The following PTPRD variants were observed in gnomAD, a reference collection of about 807,000 sequenced individuals.
The protein encoded by PTPRD is receptor-type tyrosine-protein phosphatase delta.
PTPRD carries 34 observed loss-of-function variants against 214.5 expected under a neutral mutation model. The observed-to-expected ratio is 0.16, with a 90% CI of 0.12 to 0.21. The LOEUF is 0.21. Among genes scored for constraint, PTPRD ranks in the 10% least tolerant of loss-of-function variants. The pLI, the probability that PTPRD is intolerant of heterozygous loss-of-function variation, is 1.00. For synonymous variants in PTPRD, 1,128 were observed against 845.7 expected, an observed-to-expected ratio of 1.33 and a Z score of -5.79; for missense variants, 2,545 against 2,398.7, an observed-to-expected ratio of 1.06 and a Z score of -1.27.
At chr9:9,489,523 A>C (rs1036072154) in intron 8 of PTPRD, among the ~76,000 whole-genome samples, 1 of 152,174 alleles carries the variant, frequency 6.6e-6, no homozygotes, top group African/African-American at 2.4e-5. Context: ...AAAGTCAAGA[A>C]AACAATATAG....
At chr9:10,194,339 TATATATAGAGAG>T (rs1344894988) in intron 3 of PTPRD, among the ~76,000 whole-genome samples, 3 of 68,278 alleles carry the variant, frequency 4.4e-5, no homozygotes, top group East Asian at 4.1e-4. Flanking sequence ...TATATATATA[TATATATAGAGAG>T]AGAGAGAGAG....
At chr9:9,073,488 C>A (rs1039799261) in intron 10 of PTPRD, among the ~76,000 whole-genome samples, 4 of 152,166 alleles carry the variant, frequency 2.6e-5, no homozygotes, top group Non-Finnish European at 5.9e-5. Flanking sequence ...TTGCGATTAA[C>A]ATTTACCACC....
chr9:8,996,911 T>C (rs1020610751), intron 11 of PTPRD, among the ~76,000 whole-genome samples: 44 of 152,088 alleles, frequency 2.9e-4, no homozygotes, highest in Non-Finnish European at 5.3e-4. Flanking sequence ...GATTGTGATA[T>C]TGGTTTTATG....
chr9:9,234,859 C>G (rs904398140), intron 9 of PTPRD, among the ~76,000 whole-genome samples: 1 of 152,158 alleles, frequency 6.6e-6, no homozygotes, highest in Non-Finnish European at 1.5e-5. Flanking sequence ...CCAGACTTTC[C>G]TACATCTTCC....
intron 10 of PTPRD, among the ~76,000 whole-genome samples, chr9:9,049,992 A>C (rs767044683): frequency 4.6e-5 from 7 of 152,192 alleles, no homozygotes; most frequent in Non-Finnish European, 1.0e-4. Context: ...GAGTCTTTGC[A>C]ATGGGAAGGT....
At chr9:9,339,015 C>T (rs909179050) in intron 9 of PTPRD, among the ~76,000 whole-genome samples, 1 of 152,130 alleles carries the variant, frequency 6.6e-6, no homozygotes, top group African/African-American at 2.4e-5. Flanking sequence ...AAGAATCTAA[C>T]GACAAATGGT....
At chr9:9,093,439 A>T (rs1279324795) in intron 10 of PTPRD, among the ~76,000 whole-genome samples, 1 of 151,986 alleles carries the variant, frequency 6.6e-6, no homozygotes, top group South Asian at 2.1e-4. Flanking sequence ...CAGGCCATAA[A>T]ACAAGTCTTA....
intron 8 of PTPRD, among the ~76,000 whole-genome samples, chr9:9,444,878 C>T (rs937731932): frequency 1.1e-4 from 17 of 152,122 alleles, no homozygotes; most frequent in African/African-American, 4.1e-4. Context: ...TGCCTACTTG[C>T]AAGTTAAATG....
At chr9:9,516,389 T>C (rs1419851243) in intron 8 of PTPRD, among the ~76,000 whole-genome samples, 1 of 151,990 alleles carries the variant, frequency 6.6e-6, no homozygotes, top group Non-Finnish European at 1.5e-5. Context: ...TTGTGTGAAC[T>C]TGATCGAGAA....
chr9:10,177,369 C>G (rs1028271732), intron 3 of PTPRD, among the ~76,000 whole-genome samples: 10 of 150,866 alleles, frequency 6.6e-5, no homozygotes, highest in Admixed American at 1.3e-4. Context: ...GGTAGAAAAC[C>G]AAGGGGCTAT....
At chr9:9,930,518 C>G (rs10978099) in intron 5 of PTPRD, among the ~76,000 whole-genome samples, 79,330 of 151,862 alleles carry the variant, frequency 0.52, 22,937 homozygotes, top group African/African-American at 0.76. Flanking sequence ...ATGTGTCACT[C>G]AAACTGGATA....
At chr9:8,468,482 G>C (rs111403403) in intron 31 of PTPRD, among the ~76,000 whole-genome samples, 13 of 151,882 alleles carry the variant, frequency 8.6e-5, no homozygotes, top group African/African-American at 2.9e-4. Context: ...CTTGACAATA[G>C]GAGTTTCAGT....
intron 11 of PTPRD, among the ~76,000 whole-genome samples, chr9:8,749,115 A>G (rs115003068): frequency 0.012 from 1,849 of 152,312 alleles, 33 homozygotes; most frequent in African/African-American, 0.042. Flanking sequence ...TAGAAGTTCT[A>G]TAATTCTTTT....
chr9:10,028,575 G>C (rs1288631563), intron 4 of PTPRD, among the ~76,000 whole-genome samples: 1 of 152,018 alleles, frequency 6.6e-6, no homozygotes, highest in Non-Finnish European at 1.5e-5. Flanking sequence ...TGGAGATGAG[G>C]GACTTGTTGG....
chr9:9,843,507 T>A (rs895104752), intron 5 of PTPRD, among the ~76,000 whole-genome samples: 1 of 150,754 alleles, frequency 6.6e-6, no homozygotes, highest in African/African-American at 2.5e-5. Flanking sequence ...TAATATCTTA[T>A]AAGGTTTTAT....
intron 7 of PTPRD, among the ~76,000 whole-genome samples, chr9:9,691,509 C>T (rs1564570310): frequency 6.6e-6 from 1 of 151,930 alleles, no homozygotes; most frequent in East Asian, 1.9e-4. Context: ...TGTGGAAGTG[C>T]TATGTGTTCT....
chr9:9,045,318 C>T (rs951332951), intron 10 of PTPRD, among the ~76,000 whole-genome samples: 6 of 152,024 alleles, frequency 3.9e-5, no homozygotes, highest in Admixed American at 1.3e-4. Context: ...TATGGATGAA[C>T]CATTTCTCTT....
At chr9:8,717,268 G>A (rs141878290) in intron 12 of PTPRD, among the ~76,000 whole-genome samples, 4 of 152,204 alleles carry the variant, frequency 2.6e-5, no homozygotes, top group African/African-American at 7.2e-5. Flanking sequence ...GGAGAAGCAG[G>A]GATGGAAGAG....
intron 5 of PTPRD, among the ~76,000 whole-genome samples, chr9:9,853,415 G>A (rs2060920950): frequency 6.6e-6 from 1 of 152,140 alleles, no homozygotes; most frequent in South Asian, 2.1e-4. Context: ...ATGAAAACAG[G>A]CAATGGACCT....
Sources: allele counts gnomAD v4.1 joint callset (sites outside exome capture counted in the v4.1 genomes callset), GRCh38; gene constraint gnomAD v4.1.1; transcripts MANE v1.5; gene names NCBI Gene and HGNC (gene_info 2026-07-23, HGNC 2026-07-21).